The following NOL4 variants were observed in gnomAD, a reference collection of about 807,000 sequenced individuals.
NOL4 encodes the protein cancer/testis antigen 125.
Under a neutral mutation model 75.9 loss-of-function variants are expected in NOL4, and 17 were observed. The ratio of observed to expected loss-of-function variants is 0.22; its 90% CI spans 0.15 to 0.34. The LOEUF (loss-of-function observed/expected upper bound fraction) is 0.34. Among genes scored for constraint, NOL4 ranks in the 10% least tolerant of loss-of-function variants. The pLI is 1.00. For synonymous variants in NOL4, 292 were observed against 289.9 expected (o/e 1.01, Z -0.07); for missense variants, 614 against 793.5 (o/e 0.77, Z 2.72).
intron 10 of NOL4, among the ~76,000 whole-genome samples, chr18:33,856,298 A>C (rs2062834212): frequency 6.6e-6 from 1 of 152,074 alleles, no homozygotes; most frequent in Admixed American, 6.6e-5. Context: ...GTTAGACAAA[A>C]ACCACGATGG....
intron 4 of NOL4, among the ~76,000 whole-genome samples, chr18:34,093,975 G>A (rs1166784248): frequency 2.0e-5 from 3 of 152,138 alleles, no homozygotes; most frequent in Admixed American, 2.0e-4. Context: ...CCAGGAGGCA[G>A]AGCTTGCAGT....
At chr18:34,144,350 T>G (rs771609293) in intron 1 of NOL4, among the ~76,000 whole-genome samples, 6 of 152,112 alleles carry the variant, frequency 3.9e-5, no homozygotes, top group Admixed American at 1.3e-4. Context: ...AATGACAGAT[T>G]CACTGAATTC....
intron 2 of NOL4, among the ~76,000 whole-genome samples, chr18:34,109,391 C>T (rs528738221): frequency 2.0e-5 from 3 of 151,980 alleles, no homozygotes; most frequent in Non-Finnish European, 4.4e-5. Context: ...TGGTGGCATG[C>T]ACCTGTAGTC....
chr18:33,879,969 A>G (rs887590412), intron 10 of NOL4, among the ~76,000 whole-genome samples: 1 of 152,010 alleles, frequency 6.6e-6, no homozygotes, highest in Non-Finnish European at 1.5e-5. Context: ...TTTTGCATTG[A>G]GCTAGTCATG....
At chr18:34,090,504 A>T (rs1401430708) in intron 5 of NOL4, among the ~76,000 whole-genome samples, 3 of 152,110 alleles carry the variant, frequency 2.0e-5, no homozygotes, top group Non-Finnish European at 4.4e-5. Context: ...ATTCATCTAG[A>T]TAGAGATGTT....
chr18:33,896,806 A>G (rs2065436765), intron 9 of NOL4, among the ~76,000 whole-genome samples: 1 of 152,200 alleles, frequency 6.6e-6, no homozygotes. Context: ...TCCACTGCAA[A>G]AGAAACTATC....
At chr18:33,969,167 T>C (rs147267820) in intron 6 of NOL4, among the ~76,000 whole-genome samples, 247 of 152,290 alleles carry the variant, frequency 1.6e-3, no homozygotes, top group African/African-American at 5.6e-3. Flanking sequence ...GTTTTCTTCA[T>C]TGATATCAAT....
At chr18:33,885,154 C>CT (rs35426921) in intron 9 of NOL4, among the ~76,000 whole-genome samples, 3 of 151,960 alleles carry the variant, frequency 2.0e-5, no homozygotes, top group African/African-American at 7.3e-5. Context: ...CCAAGCATTA[C>CT]TTTTTTTAAA....
chr18:34,196,893 C>T (rs1418248322), intron 1 of NOL4, among the ~76,000 whole-genome samples: 1 of 151,998 alleles, frequency 6.6e-6, no homozygotes, highest in Non-Finnish European at 1.5e-5. Flanking sequence ...TTCGAGAAGG[C>T]TTGGTAAATT....
chr18:34,194,190 T>C (rs2035133231), intron 1 of NOL4, among the ~76,000 whole-genome samples: 1 of 152,132 alleles, frequency 6.6e-6, no homozygotes. Context: ...TATTATATTC[T>C]TGAAAATTGC....
rs893786244 is a variant in NOL4 at position 33,934,414 on chromosome 18, C to T, written c.1542+8651G>A. On this transcript the variant is annotated intron_variant, in intron 9 of 10. Transcript: ENST00000261592. ...GAACTGTGAAGCCAGGCATTAATTT[C>T]TTCTCTCTAGCTATAAAATACTAGG... 7.2e-5 allele frequency among the ~76,000 whole-genome samples: 11 copies of T among 152,256 alleles called. No homozygotes were observed. The South Asian group carries it at 1.0e-3, about 14-fold the overall frequency.
At chr18:34,183,934 G>T (rs1444410894) in intron 1 of NOL4, among the ~76,000 whole-genome samples, 1 of 151,236 alleles carries the variant, frequency 6.6e-6, no homozygotes, top group East Asian at 1.9e-4. Context: ...ATAACAAAGA[G>T]AATTTTACTG....
chr18:34,214,062 T>C (rs1432074564), intron 1 of NOL4, among the ~76,000 whole-genome samples: 1 of 152,178 alleles, frequency 6.6e-6, no homozygotes, highest in Non-Finnish European at 1.5e-5. Flanking sequence ...TTATTCCTCC[T>C]TAGTTTCCCT....
chr18:33,965,495 G>A (rs1402617916), intron 6 of NOL4, among the ~76,000 whole-genome samples: 1 of 152,040 alleles, frequency 6.6e-6, no homozygotes, highest in South Asian at 2.1e-4. Flanking sequence ...CTTGTGATAC[G>A]GTTTGGCTGT....
chr18:34,039,785 C>A (rs930440695), intron 5 of NOL4, among the ~76,000 whole-genome samples: 8 of 151,958 alleles, frequency 5.3e-5, no homozygotes, highest in Non-Finnish European at 4.4e-5. Flanking sequence ...TACAATGGTT[C>A]AACTTAGCAA....
At chr18:34,138,942 C>T (rs2081019225) in intron 1 of NOL4, among the ~76,000 whole-genome samples, 2 of 151,990 alleles carry the variant, frequency 1.3e-5, no homozygotes, top group Admixed American at 1.3e-4. Context: ...AAACATGTGG[C>T]TTTTGTCTTT....
Position 34,223,033 on chromosome 18 carries a change from C to T in NOL4, c.221G>A (p.Gly74Asp), listed in dbSNP as rs1317792238. The T allele has an allele frequency of 6.2e-7, 1 of 1,613,132 alleles. No homozygotes were observed. The highest frequency in any genetic ancestry group is 8.5e-7 in the Non-Finnish European group (1 of 1,180,038). ...LGQPDEVRGGGGGAKQVLYVP... is the reference protein window; with the variant it reads ...LGQPDEVRGGDGGAKQVLYVP... Reference sequence around the variant, plus strand: ...GTAGAGCACTTGCTTGGCGCCGCCGCCTCCCCCGCGGACCTCGTCCGGCTG... The same window carrying T: ...GTAGAGCACTTGCTTGGCGCCGCCGTCTCCCCCGCGGACCTCGTCCGGCTG... Residue 74 changes from glycine to aspartate, a missense_variant, in exon 1 of 11, where the codon GGC becomes GAC. Physicochemically the swap from Gly to Asp is moderately conservative, Grantham distance 94. This residue lies in a region of NOL4 where 49 missense variants were observed against 39.6 expected (regional missense o/e 1.24). Coordinates refer to ENST00000261592, the MANE Select transcript of NOL4 (RefSeq NM_003787.5).
intron 10 of NOL4, among the ~76,000 whole-genome samples, chr18:33,881,998 C>G (rs1443283022): frequency 6.6e-6 from 1 of 152,120 alleles, no homozygotes; most frequent in African/African-American, 2.4e-5. Context: ...AACTGGCTAG[C>G]CATATGTAGA....
intron 6 of NOL4, among the ~76,000 whole-genome samples, chr18:34,008,192 T>C (rs2074150293): frequency 1.3e-5 from 2 of 151,966 alleles, no homozygotes; most frequent in African/African-American, 2.4e-5. Context: ...TTTATGGTCT[T>C]CTAATTCAGA....
Sources: gnomAD v4.1 joint callset for allele counts (sites outside exome capture counted in the v4.1 genomes callset) on GRCh38, gnomAD v4.1.1 for gene constraint, gnomAD v4.1.1 regional missense constraint, MANE v1.5 for transcripts, NCBI Gene and HGNC (gene_info 2026-07-23, HGNC 2026-07-21) for gene names.